Variants in FBXW10B observed in about 807,000 individuals in gnomAD.
The protein encoded by FBXW10B is F-box and WD repeat domain containing protein 10B.
the FBXW10B span, among the ~76,000 whole-genome samples, chr17:15,597,362 T>C: frequency 6.6e-6 from 1 of 150,614 alleles, no homozygotes; most frequent in African/African-American, 2.5e-5. Context: ...GCCCAGTGGC[T>C]CATGCTTATA....
At chr17:15,586,699 T>C in the FBXW10B span, among the ~76,000 whole-genome samples, 1 of 151,396 alleles carries the variant, frequency 6.6e-6, no homozygotes, top group Non-Finnish European at 1.5e-5. Flanking sequence ...AAGGAATGTG[T>C]GTGATCCACT....
chr17:15,577,221 CAACTT>C, the FBXW10B span, among the ~76,000 whole-genome samples: 1 of 151,996 alleles, frequency 6.6e-6, no homozygotes. Context: ...AATTTGGCCT[CAACTT>C]AATAATAGTG....
the FBXW10B span, chr17:15,615,478 A>G: frequency 4.5e-6 from 4 of 887,298 alleles, no homozygotes; most frequent in Non-Finnish European, 5.4e-6. Flanking sequence ...GCGCCCGGCT[A>G]ATTTTTTTGT....
At chr17:15,598,177 T>C in the FBXW10B span, among the ~76,000 whole-genome samples, 1 of 152,182 alleles carries the variant, frequency 6.6e-6, no homozygotes, top group Admixed American at 6.5e-5. Flanking sequence ...TTGTTGTTCA[T>C]GGACTTATTA....
At chr17:15,607,799 G>A in the FBXW10B span, 3 of 891,722 alleles carry the variant, frequency 3.4e-6, no homozygotes, top group South Asian at 3.5e-5. Context: ...TCCTCTGAAG[G>A]CTGAGGCTGC....
the FBXW10B span, chr17:15,615,923 G>C: frequency 2.1e-6 from 3 of 1,446,810 alleles, no homozygotes; most frequent in Admixed American, 5.1e-5. Flanking sequence ...GTACAGAATG[G>C]ACCAGAGCAG....
At chr17:15,606,727 C>G in the FBXW10B span, among the ~76,000 whole-genome samples, 25 of 151,994 alleles carry the variant, frequency 1.6e-4, no homozygotes, top group African/African-American at 6.0e-4. Context: ...GTTTGTCATA[C>G]CTAGAGTTCA....
the FBXW10B span, chr17:15,605,079 A>C: frequency 6.8e-7 from 1 of 1,477,064 alleles, no homozygotes; most frequent in Non-Finnish European, 9.0e-7. Context: ...CTTGCCAAAA[A>C]AAAAATAAGC....
At chr17:15,618,997 G>T in the FBXW10B span, 1 of 1,611,076 alleles carries the variant, frequency 6.2e-7, no homozygotes, top group Non-Finnish European at 8.5e-7. Context: ...TCTGCCTGTG[G>T]CCTTGTTTAC....
At chr17:15,565,631 C>T in the FBXW10B span, 1 of 1,614,170 alleles carries the variant, frequency 6.2e-7, no homozygotes, top group Non-Finnish European at 8.5e-7. Flanking sequence ...ATCCATGCAG[C>T]TTTGCTGGCT....
At chr17:15,618,064 T>C in the FBXW10B span, among the ~76,000 whole-genome samples, 1 of 152,282 alleles carries the variant, frequency 6.6e-6, no homozygotes, top group Non-Finnish European at 1.5e-5. Context: ...GTGCAGTGGC[T>C]CACGCCTGTA....
the FBXW10B span, among the ~76,000 whole-genome samples, chr17:15,615,406 C>G: frequency 1.4e-5 from 2 of 144,240 alleles, no homozygotes; most frequent in African/African-American, 5.4e-5. Context: ...ACTGCAAGCT[C>G]TGCCTCCCGG....
the FBXW10B span, among the ~76,000 whole-genome samples, chr17:15,587,447 G>A: frequency 0.011 from 1,622 of 151,690 alleles, 24 homozygotes; most frequent in Middle Eastern, 0.054. Flanking sequence ...TGGGCACAGA[G>A]GCTGCAGGCC....
chr17:15,581,744 A>G, the FBXW10B span, among the ~76,000 whole-genome samples: 4 of 151,776 alleles, frequency 2.6e-5, no homozygotes, highest in East Asian at 1.9e-4. Context: ...ATCAAATCTC[A>G]GAGAGCTTCC....
the FBXW10B span, among the ~76,000 whole-genome samples, chr17:15,609,832 T>TTC: frequency 6.7e-6 from 1 of 149,460 alleles, no homozygotes; most frequent in African/African-American, 2.5e-5. Context: ...TCTCTCCCTT[T>TTC]TCTCTCTCTT....
the FBXW10B span, among the ~76,000 whole-genome samples, chr17:15,599,528 T>C: frequency 7.0e-6 from 1 of 143,208 alleles, no homozygotes; most frequent in Non-Finnish European, 1.5e-5. Context: ...GGTTTTTAGA[T>C]AGAAGCGTCC....
the FBXW10B span, among the ~76,000 whole-genome samples, chr17:15,602,933 A>G: frequency 3.8e-5 from 4 of 106,422 alleles, 1 homozygote; most frequent in East Asian, 6.0e-4. Flanking sequence ...GGCGAGACCG[A>G]GTTTTGCTCT....
chr17:15,617,989 G>A, the FBXW10B span, among the ~76,000 whole-genome samples: 6 of 152,152 alleles, frequency 3.9e-5, no homozygotes, highest in Middle Eastern at 3.2e-3. Flanking sequence ...CTCAAAGACA[G>A]ATCCCCAGTC....
chr17:15,584,208 A>T, the FBXW10B span, among the ~76,000 whole-genome samples: 1 of 152,226 alleles, frequency 6.6e-6, no homozygotes, highest in Admixed American at 6.5e-5. Context: ...TGAATGTCTG[A>T]AAAAAAGTAT....
Sources: gnomAD v4.1 joint callset for allele counts (sites outside exome capture counted in the v4.1 genomes callset) on GRCh38, gnomAD v4.1.1 for gene constraint, MANE v1.5 for transcripts, NCBI Gene and HGNC (gene_info 2026-07-23, HGNC 2026-07-21) for gene names.